Variants in HEATR3 observed in about 807,000 individuals in gnomAD.
HEATR3 encodes the protein HEAT repeat containing 3, also known as HEAT repeat-containing protein 3.
A neutral mutation model predicts 72.8 loss-of-function variants in HEATR3; 56 were observed. The ratio of observed to expected loss-of-function variants is 0.77; its 90% CI spans 0.62 to 0.96. The LOEUF is 0.96. Ranked by LOEUF, HEATR3 falls within the 40% of genes least tolerant of loss-of-function variation. The pLI, the probability that HEATR3 is intolerant of heterozygous loss-of-function variation, is 0.00. For synonymous variants in HEATR3, 331 were observed against 318.1 expected (o/e 1.04, Z -0.43); for missense variants, 747 against 831.4 (o/e 0.90, Z 1.25).
chr16:50,075,604 CA>C lies in HEATR3; in HGVS notation c.657del (p.Glu220SerfsTer3). ...YCLQTVTEDNPELLKSFSATA... is the reference protein window; with the variant it reads ...YCLQTVTEDNXELLKSFSATA... Reference sequence around the variant, plus strand: ...TTGCAGACAGTGACTGAGGATAACCCAGAGCTGCTGAAGTCTTTCAGTGCTA... The same window carrying C: ...TTGCAGACAGTGACTGAGGATAACCCGAGCTGCTGAAGTCTTTCAGTGCTA... On this transcript the variant is annotated frameshift_variant, in exon 6 of 15. Coordinates refer to ENST00000299192, the MANE Select transcript of HEATR3 (RefSeq NM_182922.4). LOFTEE classifies it high-confidence loss of function. 1 of 1,613,666 alleles carries C rather than the reference CA, an allele frequency of 6.2e-7. No homozygotes were observed. Among genetic ancestry groups the C allele is most frequent in the Non-Finnish European group, 8.5e-7 (1 of 1,179,624 alleles).
chr16:50,106,286 G>A lies in HEATR3; in HGVS notation c.*1225G>A, dbSNP rs763929626. The A allele has an allele frequency of 4.6e-5, 7 of 152,074 alleles. No homozygotes were observed. The highest frequency in any genetic ancestry group is 1.0e-4 in the Non-Finnish European group (7 of 68,028). 9.4% of individuals were successfully genotyped at this position (152,074 alleles called of 1,614,324 possible). ...GGTCATTGCCATCCTCCCTACTCAT[G>A]ACTTTGATGAGTTATTGCTGTAACA... On this transcript the variant is annotated 3_prime_UTR_variant, in exon 15 of 15. Transcript: ENST00000299192.
At chr16:50,069,014 A>C in intron 3 of HEATR3, 147 bp downstream of exon 3, 3 of 614,172 alleles carry the variant, frequency 4.9e-6, no homozygotes, top group Non-Finnish European at 2.9e-6. Flanking sequence ...ATCTGCTCTC[A>C]TTATTGATAC....
chr16:50,101,611 A>G (rs1264691280), intron 13 of HEATR3, among the ~76,000 whole-genome samples: 1 of 152,188 alleles, frequency 6.6e-6, no homozygotes, highest in Non-Finnish European at 1.5e-5. Context: ...CTCCTGGATC[A>G]GTTGTCCAAT....
chr16:50,066,327 G>T (rs1282836726), intron 1 of HEATR3, 40 bp from the exon 2 acceptor site: 2 of 1,562,744 alleles, frequency 1.3e-6, no homozygotes, highest in Admixed American at 1.8e-5. Flanking sequence ...GCGCGCGTGC[G>T]CATTGCGCGC....
At chr16:50,098,807 A>G (rs1220088883) in intron 12 of HEATR3, among the ~76,000 whole-genome samples, 1 of 152,086 alleles carries the variant, frequency 6.6e-6, no homozygotes, top group African/African-American at 2.4e-5. Context: ...CTATACAGTG[A>G]TATTAAAATT....
intron 10 of HEATR3, among the ~76,000 whole-genome samples, chr16:50,084,914 G>A (rs1213200259): frequency 5.3e-5 from 8 of 152,070 alleles, no homozygotes; most frequent in Admixed American, 3.9e-4. Flanking sequence ...ACAAAATCAC[G>A]CAGTACAATA....
At chr16:50,101,818 G>A (rs879526129) in intron 13 of HEATR3, among the ~76,000 whole-genome samples, 5 of 152,162 alleles carry the variant, frequency 3.3e-5, no homozygotes, top group Non-Finnish European at 7.3e-5. Context: ...GGGCTCGAGC[G>A]ACCCTCCCGC....
Position 50,071,078 on chromosome 16 carries a change from G to C in HEATR3, c.512+788G>C. Among the ~76,000 whole-genome samples the C allele has an allele frequency of 1.3e-5, 2 of 152,306 alleles. 1 individual carries two copies. The highest frequency in any genetic ancestry group is 1.3e-4 in the Admixed American group (2 of 15,298). ...AGAGCTCCCTTGGCCCCAGGAGGAA[G>C]AAGGCCACTCTCCATTCTGTGATTG... On this transcript the variant is annotated intron_variant, in intron 4 of 14. Transcript: ENST00000299192.
rs2036551643 is a variant in HEATR3 at position 50,068,776 on chromosome 16, G to A, written c.312-4G>A. The A allele has an allele frequency of 6.2e-7, 1 of 1,610,152 alleles. No homozygotes were observed. Among genetic ancestry groups the A allele is most frequent in the African/African-American group, 1.3e-5 (1 of 74,838 alleles). The stretch of plus-strand genomic sequence containing the variant: ...GTAAAACATGTTTTAAACTTCTTGT[G>A]TAGAAATCTCAGTGCTTGTGGAGGT... On this transcript the variant is annotated splice_region_variant and splice_polypyrimidine_tract_variant and intron_variant, in intron 2 of 14. Coordinates refer to ENST00000299192, the MANE Select transcript of HEATR3 (RefSeq NM_182922.4).
At chr16:50,098,828 G>A (rs1490359292) in intron 12 of HEATR3, among the ~76,000 whole-genome samples, 3 of 152,010 alleles carry the variant, frequency 2.0e-5, no homozygotes, top group African/African-American at 7.2e-5. Context: ...GTTTGCTGTA[G>A]TAACATTAAA....
rs753896255 is a variant in HEATR3, at chr16:50,106,311, A to G, written c.*1250A>G. ...GACTTTGATGAGTTATTGCTGTAAC[A>G]TCACTTCTTGATTTAATTTGATATG... On this transcript the variant is annotated 3_prime_UTR_variant, in exon 15 of 15. Coordinates refer to ENST00000299192, the MANE Select transcript of HEATR3 (RefSeq NM_182922.4). The G allele has an allele frequency of 6.6e-6, 1 of 152,188 alleles. No homozygotes were observed. Among genetic ancestry groups the G allele is most frequent in the Non-Finnish European group, 1.5e-5 (1 of 68,022 alleles). The allele number at this position is 152,188 out of a possible 1,614,324, so 9.4% of individuals were successfully genotyped here. A position where few individuals can be genotyped will look rare whatever the true frequency, so the allele number is the denominator to read the frequency against.
Position 50,075,641 on chromosome 16 carries a change from C to T in HEATR3, c.693C>T (p.Asn231=). ...AGTCTTTCAGTGCTACAGCATTGAA[C>T]ATGCTGGAATCAGCACTGCTTTCTC... ...LLKSFSATAL[N]MLESALLSPV... Residue 231 remains asparagine (N), a synonymous_variant, in exon 6 of 15, where the codon AAC becomes AAT. Transcript: ENST00000299192. 1 of 1,611,944 alleles carries T rather than the reference C, an allele frequency of 6.2e-7. No homozygotes were observed. Among genetic ancestry groups the T allele is most frequent in the Non-Finnish European group, 8.5e-7 (1 of 1,178,002 alleles).
At chr16:50,100,849 C>A (rs2150628900) in intron 13 of HEATR3, 1 of 192,172 alleles carries the variant, frequency 5.2e-6, no homozygotes, top group East Asian at 1.8e-4. Flanking sequence ...TGCCAATATA[C>A]TAGCAATTCC....
At chr16:50,080,780 C>T (rs1341108600) in intron 7 of HEATR3, among the ~76,000 whole-genome samples, 2 of 152,140 alleles carry the variant, frequency 1.3e-5, no homozygotes, top group African/African-American at 4.8e-5. Flanking sequence ...CTGTTTCATA[C>T]CTGTGCATGG....
Position 50,070,861 on chromosome 16 carries a change from C to A in HEATR3, c.512+571C>A, listed in dbSNP as rs1375209661. On this transcript the variant is annotated intron_variant, in intron 4 of 14. Transcript: ENST00000299192. Reference sequence around the variant, plus strand: ...AGATAGGAGGAATCATGACCATTAGCACCTGTGGCTCCTCCTTTCCCCCGA... The same window carrying A: ...AGATAGGAGGAATCATGACCATTAGAACCTGTGGCTCCTCCTTTCCCCCGA... 9.9e-5 allele frequency among the ~76,000 whole-genome samples: 15 copies of A among 152,176 alleles called. No individual in the cohort carries two copies. The East Asian group carries it at 2.9e-3, about 29-fold the overall frequency.
At chr16:50,074,329 T>C (rs1392682796) in intron 5 of HEATR3, 1 of 142,392 alleles carries the variant, frequency 7.0e-6, no homozygotes, top group Non-Finnish European at 1.5e-5. Flanking sequence ...AGTACATAAA[T>C]TGAGGGTAAA....
chr16:50,096,838 TATATTCTC>T (rs1439876942), intron 12 of HEATR3, among the ~76,000 whole-genome samples: 1 of 152,192 alleles, frequency 6.6e-6, no homozygotes, highest in Non-Finnish European at 1.5e-5. Flanking sequence ...GTGGTTTTAG[TATATTCTC>T]ATATTCTTAA....
intron 14 of HEATR3, among the ~76,000 whole-genome samples, chr16:50,102,687 A>G (rs1203209522): frequency 6.6e-6 from 1 of 152,202 alleles, no homozygotes; most frequent in Non-Finnish European, 1.5e-5. Context: ...AATTTTGACA[A>G]TGCTTCATAT....
chr16:50,098,793 T>C (rs1331522579), intron 12 of HEATR3, among the ~76,000 whole-genome samples: 2 of 152,112 alleles, frequency 1.3e-5, no homozygotes, highest in African/African-American at 4.8e-5. Flanking sequence ...ATTAAAATTA[T>C]TTGCTATACA....
Sources: gnomAD v4.1 joint callset for allele counts (sites outside exome capture counted in the v4.1 genomes callset) on GRCh38, gnomAD v4.1.1 for gene constraint, MANE v1.5 for transcripts, NCBI Gene and HGNC (gene_info 2026-07-23, HGNC 2026-07-21) for gene names.